LAMA5: variants seen among roughly 807,000 people sequenced by gnomAD.
LAMA5 encodes laminin subunit alpha-5.
Under a neutral mutation model 433.4 loss-of-function variants are expected in LAMA5, and 260 were observed. The observed-to-expected ratio is 0.60, with a 90% CI of 0.54 to 0.66. The LOEUF is 0.66. Among genes scored for constraint, LAMA5 ranks in the 30% least tolerant of loss-of-function variants. The probability of loss-of-function intolerance (pLI) is 0.00; values close to 1 mark genes in which losing one functional copy is unlikely to be tolerated. For missense variants in LAMA5, 5,378 were observed against 5,258.5 expected (o/e 1.02, Z -0.70); for synonymous variants, 2,620 against 2,226.6 (o/e 1.18, Z -4.97).
At chr20:62,319,918 C>T in intron 50 of LAMA5, 123 bp from the exon 51 acceptor site, 1 of 587,158 alleles carries the variant, frequency 1.7e-6, no homozygotes, top group South Asian at 2.1e-5. Context: ...ATCTATTTAA[C>T]TCTCTTATCT....
chr20:62,313,035 G>A, intron 65 of LAMA5, 25 bp from the exon 66 acceptor site: 1 of 1,594,258 alleles, frequency 6.3e-7, no homozygotes, highest in East Asian at 2.2e-5. Flanking sequence ...CAGGGTTAGT[G>A]TGGGGCAGGG....
rs6089732 is a variant in LAMA5 at position 62,318,583 on chromosome 20, G to T, written c.7110C>A (p.Thr2370=). The change falls in exon 53 of 80, where the codon ACC becomes ACA. Residue 2370 remains threonine, a synonymous_variant. Coordinates refer to ENST00000252999, the MANE Select transcript of LAMA5 (RefSeq NM_005560.6). The part of the protein sequence containing the change: ...WEENQALATQ[T]RDRLAQHEAG... ...CCTCGTGCTGGGCCAGCCGGTCGCG[G>T]GTTTGTGTGGCCAGTGCCTGGTTCT... 8 of 1,610,474 alleles carry T rather than the reference G, an allele frequency of 5.0e-6. No homozygotes were observed. The highest frequency in any genetic ancestry group is 6.8e-6 in the Non-Finnish European group (8 of 1,179,010).
chr20:62,325,628 T>C (rs1240333359), intron 40 of LAMA5, 82 bp from the exon 41 acceptor site: 19 of 906,994 alleles, frequency 2.1e-5, no homozygotes, highest in Non-Finnish European at 2.3e-5. Context: ...CCCAACCCTG[T>C]AGGGGATGGA....
rs139496694 is a variant in LAMA5 at position 62,328,375 on chromosome 20, C to T, written c.4518G>A (p.Pro1506=). 1.4e-5 allele frequency: 22 copies of T among 1,573,398 alleles called. No individual in the cohort carries two copies. The highest frequency in any genetic ancestry group is 1.7e-4 in the Middle Eastern group (1 of 5,934). The change falls in exon 35 of 80, where the codon CCG becomes CCA. Residue 1506 remains proline, a synonymous_variant. Transcript: ENST00000252999. ...GQCICPPRTI[P]PDCLLCQPQT... is the part of the protein sequence containing the mutation. ...GGGGCTGGCACAGCAGGCAGTCGGG[C>T]GGGATGGTGCGTGGCGGGCAGATGC...
At chr20:62,326,521 A>G (rs1979317652) in intron 40 of LAMA5, 156 bp downstream of exon 40, 2 of 607,942 alleles carry the variant, frequency 3.3e-6, no homozygotes, top group African/African-American at 1.8e-5. Flanking sequence ...ATATCTGACA[A>G]TGGGTGTGGG....
intron 79 of LAMA5, 97 bp from the exon 80 acceptor site, chr20:62,309,572 C>T: frequency 1.6e-6 from 1 of 616,158 alleles, no homozygotes; most frequent in Non-Finnish European, 2.2e-6. Context: ...GCCCCTGTCT[C>T]ATTCCACATC....
chr20:62,358,090 C>G (rs544115382), intron 2 of LAMA5, among the ~76,000 whole-genome samples: 1 of 151,308 alleles, frequency 6.6e-6, no homozygotes, highest in Non-Finnish European at 1.5e-5. Flanking sequence ...TGGGGACCAC[C>G]AGGGCCTGGG....
intron 48 of LAMA5, 56 bp downstream of exon 48, chr20:62,321,963 T>G: frequency 6.5e-7 from 1 of 1,539,152 alleles, no homozygotes; most frequent in South Asian, 1.1e-5. Flanking sequence ...CCAGGCTGTG[T>G]GGGACTTGGA....
chr20:62,315,457 C>T (rs1398569362), intron 58 of LAMA5, among the ~76,000 whole-genome samples: 1 of 152,084 alleles, frequency 6.6e-6, no homozygotes, highest in Non-Finnish European at 1.5e-5. Context: ...CCCCATGTCA[C>T]CTCCCACCAC....
In LAMA5 at chr20:62,359,516, A is replaced by G. The variant is rs1284651819; in HGVS notation, c.450+2884T>C. ...CTGGGGCCTGGGTGTGGTTCTCGGA[A>G]GAAGGAGCCTGAGGCCAGTGATGTG... On this transcript the variant is annotated intron_variant, in intron 2 of 79. Transcript: ENST00000252999. The surrounding 1 kb of genome is among the most constrained non-coding windows in gnomAD (Gnocchi z 4.3). Among the ~76,000 whole-genome samples the G allele has an allele frequency of 1.3e-5, 2 of 151,788 alleles. No individual in the cohort carries two copies.
chr20:62,317,291 C>T, intron 55 of LAMA5, 54 bp downstream of exon 55: 1 of 1,509,576 alleles, frequency 6.6e-7, no homozygotes, highest in African/African-American at 1.4e-5. Context: ...CCTCCCAAGG[C>T]CCTGTCTGCA....
At chr20:62,321,452 T>G (rs1299992577) in intron 48 of LAMA5, among the ~76,000 whole-genome samples, 1 of 1,040 alleles carries the variant, frequency 9.6e-4, no homozygotes, top group Non-Finnish European at 1.9e-3. Flanking sequence ...AGCAGAGGGG[T>G]AGGGCCAGCA....
rs1454509500 is a variant in LAMA5 at position 62,318,474 on chromosome 20, C to G, written c.7219G>C (p.Glu2407Gln). Residue 2407 changes from glutamate (E) to glutamine (Q), a missense_variant, in exon 53 of 80, where the codon GAG becomes CAG. Physicochemically the swap from Glu to Gln is conservative, Grantham distance 29 (BLOSUM62 2). Transcript: ENST00000252999. ...EAQELNSRNQ[E>Q]RLEEALQRKQ... Reference sequence around the variant, plus strand: ...CTCACCAGGGCTTCCTCCAGGCGCTCCTGGTTGCGGCTGTTGAGCTCCTGG... The same window carrying G: ...CTCACCAGGGCTTCCTCCAGGCGCTGCTGGTTGCGGCTGTTGAGCTCCTGG... 3 of 1,602,074 alleles carry G rather than the reference C, an allele frequency of 1.9e-6. No homozygotes were observed. Among genetic ancestry groups the G allele is most frequent in the Non-Finnish European group, 2.6e-6 (3 of 1,176,428 alleles).
At chr20:62,333,277 C>A in intron 25 of LAMA5, 34 bp from the exon 26 acceptor site, 1 of 1,576,578 alleles carries the variant, frequency 6.3e-7, no homozygotes, top group Non-Finnish European at 8.6e-7. Context: ...AGCCCCAGGT[C>A]CACCCAGGTC....
chr20:62,367,054 G>A lies in LAMA5; in HGVS notation c.192C>T (p.Cys64=), dbSNP rs1336470088. 7.9e-7 allele frequency: 1 copy of A among 1,265,974 alleles called. No individual in the cohort carries two copies. The highest frequency in any genetic ancestry group is 9.9e-7 in the Non-Finnish European group (1 of 1,008,520). 78.4% of individuals were successfully genotyped at this position (1,265,974 alleles called of 1,614,324 possible). A position where few individuals can be genotyped will look rare whatever the true frequency, so the allele number is the denominator to read the frequency against. The change falls in exon 1 of 80, where the codon TGC becomes TGT. Residue 64 remains cysteine (C), a synonymous_variant. Transcript: ENST00000252999. ...EGARIAASAT[C]GEEAPARGSP... is the part of the protein sequence containing the mutation. ...AGCCGCGCGCCGGGGCCTCCTCTCCGCAGGTCGCGGAGGCGGCGATGCGGG... is the reference window on the plus strand; with the variant it reads ...AGCCGCGCGCCGGGGCCTCCTCTCCACAGGTCGCGGAGGCGGCGATGCGGG...
chr20:62,318,939 G>A lies in LAMA5; in HGVS notation c.6946C>T (p.Leu2316=). 5.6e-6 allele frequency: 9 copies of A among 1,599,284 alleles called. No homozygotes were observed. The highest frequency in any genetic ancestry group is 1.1e-5 in the South Asian group (1 of 89,572). ...APSGEQLLRT[L]AEVERLLWEM... ...CAGAGCAGCCGCTCCACCTCGGCCA[G>A]TGTCCGGAGCAGCTGCTCACCTGAT... Residue 2316 remains leucine, a synonymous_variant, in exon 52 of 80, where the codon CTG becomes TTG. Transcript: ENST00000252999.
At chr20:62,314,483 C>T (rs762892846) in intron 61 of LAMA5, 43 bp from the exon 62 acceptor site, 2 of 1,611,042 alleles carry the variant, frequency 1.2e-6, no homozygotes, top group Admixed American at 1.7e-5. Flanking sequence ...GGACCGGGGA[C>T]CAGGGACCAG....
chr20:62,329,901 C>CTGGCGTTGGCG lies in LAMA5; in HGVS notation c.3984_3994dup (p.Ser1332ThrfsTer27). On this transcript the variant is annotated frameshift_variant, in exon 32 of 80. Coordinates refer to ENST00000252999, the MANE Select transcript of LAMA5 (RefSeq NM_005560.6). LOFTEE classifies it high-confidence loss of function. The stretch of plus-strand genomic sequence containing the variant: ...GCAGCCGTAGCCATGTGGACAGAAG[C>CTGGCGTTGGCG]TGGCGTTGGCGTGGCCTGGGCGGGG... The CTGGCGTTGGCG allele has an allele frequency of 6.2e-7, 1 of 1,611,748 alleles. No individual in the cohort carries two copies. Among genetic ancestry groups the CTGGCGTTGGCG allele is most frequent in the Non-Finnish European group, 8.5e-7 (1 of 1,179,738 alleles).
chr20:62,320,641 C>CGGGGGCCCA lies in LAMA5; in HGVS notation c.6668_6676dup (p.Leu2223_Pro2225dup). The CGGGGGCCCA allele has an allele frequency of 6.2e-7, 1 of 1,606,844 alleles. No homozygotes were observed. Among genetic ancestry groups the CGGGGGCCCA allele is most frequent in the Non-Finnish European group, 8.5e-7 (1 of 1,177,840 alleles). The stretch of plus-strand genomic sequence containing the variant: ...CTCCAGCTGCTGTGCCGTCTCATGG[C>CGGGGGCCCA]GGGGGCCCAGGGGGCTCCGGAGCTG... On this transcript the variant is annotated inframe_insertion, in exon 50 of 80. Coordinates refer to ENST00000252999, the MANE Select transcript of LAMA5 (RefSeq NM_005560.6).
Sources: gnomAD v4.1 joint callset for allele counts (sites outside exome capture counted in the v4.1 genomes callset) on GRCh38, gnomAD v4.1.1 for gene constraint, Gnocchi (gnomAD v3.1) non-coding constraint, MANE v1.5 for transcripts, NCBI Gene and HGNC (gene_info 2026-07-23, HGNC 2026-07-21) for gene names.